DMD: variants seen among roughly 807,000 people sequenced by gnomAD.
DMD encodes the protein dystrophin.
DMD carries 63 observed loss-of-function variants against 330.1 expected under a neutral mutation model. The ratio of observed to expected loss-of-function variants is 0.19; its 90% CI spans 0.16 to 0.24. The LOEUF (loss-of-function observed/expected upper bound fraction) is 0.24, where lower values mean the gene tolerates loss of function less well. DMD is among the 10% of genes least tolerant of loss of function. The pLI, the probability that DMD is intolerant of heterozygous loss-of-function variation, is 1.00. For missense variants in DMD, 3,344 were observed against 2,684.1 expected, an observed-to-expected ratio of 1.25 and a Z score of -5.43; for synonymous variants, 1,223 against 959.8, an observed-to-expected ratio of 1.27 and a Z score of -5.07.
chrX:31,645,698 T>C (rs980612233), intron 54 of DMD, among the ~76,000 whole-genome samples: 9 of 112,105 alleles, frequency 8.0e-5, no homozygotes, highest in African/African-American at 2.9e-4. Flanking sequence ...CCAGATACTG[T>C]AGTGTTGTAT....
At position 32,342,127 on chromosome X, in the gene DMD, C is replaced by T; in HGVS notation, c.5895G>A (p.Gln1965=). The T allele has an allele frequency of 8.3e-7, 1 of 1,210,092 alleles. No individual in the cohort carries two copies. Among genetic ancestry groups the T allele is most frequent in the Non-Finnish European group, 1.1e-6 (1 of 894,322 alleles). ...TTTGTGCAAAGTTGAGTCTTCGAAACTGAGCAAATTTGCTCTCAATTTCCC... is the reference window on the plus strand; with the variant it reads ...TTTGTGCAAAGTTGAGTCTTCGAAATTGAGCAAATTTGCTCTCAATTTCCC... ...RWREIESKFA[Q]FRRLNFAQIH... is the part of the protein sequence containing the mutation. The change falls in exon 41 of 79, where the codon CAG becomes CAA. Residue 1965 remains glutamine, a synonymous_variant. Transcript: ENST00000357033.
chrX:32,076,509 AGCTGGGACTACAGGCGCCT>A (rs1416397514), intron 44 of DMD, among the ~76,000 whole-genome samples: 5 of 107,697 alleles, frequency 4.6e-5, no homozygotes, highest in Non-Finnish European at 9.6e-5. Flanking sequence ...CCTCCCGAGT[AGCTGGGACTACAGGCGCCT>A]GCCAGCACGC....
chrX:32,862,870 G>A (rs2082174331), intron 2 of DMD, among the ~76,000 whole-genome samples: 2 of 110,414 alleles, frequency 1.8e-5, no homozygotes, highest in Admixed American at 1.9e-4. Context: ...CCTAGTAGCT[G>A]GGATTACAGG....
intron 47 of DMD, among the ~76,000 whole-genome samples, chrX:31,911,243 T>C (rs1569509735): frequency 8.9e-6 from 1 of 112,055 alleles, no homozygotes. Context: ...TATTGCTGCT[T>C]TATAGTTTTA....
chrX:31,928,268 G>C (rs912227326), intron 47 of DMD, among the ~76,000 whole-genome samples: 13 of 111,284 alleles, frequency 1.2e-4, no homozygotes, highest in Admixed American at 6.7e-4. Flanking sequence ...GAGAGAAAGG[G>C]GAACTATTGC....
chrX:32,183,579 T>C (rs868455214), intron 44 of DMD, among the ~76,000 whole-genome samples: 2 of 89,705 alleles, frequency 2.2e-5, no homozygotes, highest in South Asian at 1.0e-3. Flanking sequence ...TAAATATATA[T>C]ATATATATAT....
At chrX:33,278,214 T>A (rs1430376983) in intron 1 of DMD, among the ~76,000 whole-genome samples, 2 of 111,995 alleles carry the variant, frequency 1.8e-5, no homozygotes, top group Non-Finnish European at 3.8e-5. Flanking sequence ...AGGGGGTATA[T>A]ATGCAGGTTT....
intron 7 of DMD, among the ~76,000 whole-genome samples, chrX:32,711,011 C>T (rs1722587452): frequency 9.0e-6 from 1 of 111,631 alleles, no homozygotes; most frequent in African/African-American, 3.3e-5. Context: ...GCAAACATTA[C>T]ATATTTGGAA....
intron 47 of DMD, among the ~76,000 whole-genome samples, chrX:31,915,047 A>G (rs762791270): frequency 3.6e-5 from 4 of 112,446 alleles, no homozygotes; most frequent in Non-Finnish European, 7.5e-5. Flanking sequence ...AAAAAATTTT[A>G]AAAAGAGAGA....
intron 54 of DMD, among the ~76,000 whole-genome samples, chrX:31,652,506 T>G (rs1040570787): frequency 8.9e-6 from 1 of 111,887 alleles, no homozygotes; most frequent in African/African-American, 3.2e-5. Flanking sequence ...AGTAAATTAA[T>G]TTTTATGGTG....
At chrX:32,737,506 G>A (rs1170329361) in intron 7 of DMD, among the ~76,000 whole-genome samples, 2 of 111,222 alleles carry the variant, frequency 1.8e-5, no homozygotes, top group Non-Finnish European at 3.8e-5. Context: ...CACAAGTCTT[G>A]AAAACTAAAC....
intron 60 of DMD, among the ~76,000 whole-genome samples, chrX:31,380,489 C>G (rs1346897340): frequency 9.0e-6 from 1 of 110,995 alleles, no homozygotes; most frequent in Non-Finnish European, 1.9e-5. Context: ...TCAATGCCAA[C>G]ATCCCATCCC....
chrX:32,038,726 G>A lies in DMD; in HGVS notation c.6439-70212C>T, dbSNP rs1484867334. On this transcript the variant is annotated intron_variant, in intron 44 of 78. Transcript: ENST00000357033. The stretch of plus-strand genomic sequence containing the variant: ...GGAAACATGCCAATGAAAAAATCAA[G>A]TTAAATCATTACATTAATAAATTTA... 2.7e-5 allele frequency among the ~76,000 whole-genome samples: 3 copies of A among 110,449 alleles called. No homozygotes were observed. The Admixed American group carries it at 2.9e-4, about 11-fold the overall frequency.
chrX:32,205,021 A>T (rs1212107997), intron 44 of DMD, among the ~76,000 whole-genome samples: 32 of 79,036 alleles, frequency 4.0e-4, no homozygotes, highest in Non-Finnish European at 7.5e-4. Context: ...ACACACACAC[A>T]CACACACACA....
At chrX:32,817,440 C>G (rs1378575280) in intron 5 of DMD, among the ~76,000 whole-genome samples, 1 of 112,256 alleles carries the variant, frequency 8.9e-6, no homozygotes, top group African/African-American at 3.2e-5. Context: ...TCTGAGTCAT[C>G]TGATGCAGAA....
intron 44 of DMD, among the ~76,000 whole-genome samples, chrX:32,153,055 A>G (rs1411440543): frequency 1.8e-5 from 2 of 112,234 alleles, no homozygotes; most frequent in Non-Finnish European, 3.8e-5. Flanking sequence ...TGTTCTTATC[A>G]GATGAGTTTG....
intron 21 of DMD, among the ~76,000 whole-genome samples, chrX:32,480,640 A>T (rs1308712474): frequency 9.0e-6 from 1 of 111,454 alleles, no homozygotes; most frequent in Admixed American, 9.5e-5. Flanking sequence ...GTACATACGT[A>T]TATGCACACA....
At chrX:31,658,532 C>A (rs1177823229) in intron 53 of DMD, among the ~76,000 whole-genome samples, 4 of 112,204 alleles carry the variant, frequency 3.6e-5, no homozygotes, top group Non-Finnish European at 7.5e-5. Flanking sequence ...TTTCCCTCTT[C>A]ATTAACTTGT....
At chrX:31,604,143 C>A (rs1482517771) in intron 55 of DMD, among the ~76,000 whole-genome samples, 1 of 112,104 alleles carries the variant, frequency 8.9e-6, no homozygotes, top group African/African-American at 3.2e-5. Flanking sequence ...CTTATGTAGT[C>A]TCCAAATTTG....
Sources: allele counts gnomAD v4.1 joint callset (sites outside exome capture counted in the v4.1 genomes callset), GRCh38; gene constraint gnomAD v4.1.1; transcripts MANE v1.5; gene names NCBI Gene and HGNC (gene_info 2026-07-23, HGNC 2026-07-21).